Variants in LRRIQ3 observed in about 807,000 individuals in gnomAD.
The protein encoded by LRRIQ3 is leucine-rich repeat and IQ domain-containing protein 3.
A neutral mutation model predicts 59.3 loss-of-function variants in LRRIQ3; 75 were observed. The ratio of observed to expected loss-of-function variants is 1.26; its 90% CI spans 1.05 to 1.53. The LOEUF (loss-of-function observed/expected upper bound fraction) is 1.53, where lower values mean the gene tolerates loss of function less well. LRRIQ3 is among the 40% of genes most tolerant of loss of function. The pLI, the probability that LRRIQ3 is intolerant of heterozygous loss-of-function variation, is 0.00. For synonymous variants in LRRIQ3, 250 were observed against 231.3 expected (o/e 1.08, Z -0.73); for missense variants, 831 against 710.0 (o/e 1.17, Z -1.94).
intron 6 of LRRIQ3, among the ~76,000 whole-genome samples, chr1:74,056,994 T>C (rs1236785004): frequency 1.3e-5 from 2 of 152,166 alleles, no homozygotes; most frequent in African/African-American, 2.4e-5. Flanking sequence ...ATGTAAGATG[T>C]ACCTTGCTTC....
chr1:74,104,370 C>A (rs1646578639), intron 5 of LRRIQ3, among the ~76,000 whole-genome samples: 1 of 151,990 alleles, frequency 6.6e-6, no homozygotes, highest in African/African-American at 2.4e-5. Flanking sequence ...CATGCCCACA[C>A]AAAAACTTGC....
At chr1:74,120,874 C>T (rs1040513322) in intron 4 of LRRIQ3, among the ~76,000 whole-genome samples, 5 of 151,986 alleles carry the variant, frequency 3.3e-5, no homozygotes, top group South Asian at 2.1e-4. Flanking sequence ...TATTATCCCT[C>T]GATTCGTGGA....
chr1:74,136,709 T>C (rs1028269824), intron 4 of LRRIQ3, among the ~76,000 whole-genome samples: 3 of 151,946 alleles, frequency 2.0e-5, no homozygotes, highest in Admixed American at 2.0e-4. Context: ...CAGAGGCAAA[T>C]TGGGAAGACT....
intron 4 of LRRIQ3, among the ~76,000 whole-genome samples, chr1:74,146,944 T>C (rs1242219908): frequency 6.6e-6 from 1 of 152,214 alleles, no homozygotes. Context: ...TTCCCTATGA[T>C]TGGTCAGCCA....
chr1:74,071,873 T>G (rs913654361), intron 6 of LRRIQ3, among the ~76,000 whole-genome samples: 15 of 152,058 alleles, frequency 9.9e-5, no homozygotes, highest in Middle Eastern at 3.2e-3. Context: ...ATTAGTGTAT[T>G]TATCTAATAA....
intron 7 of LRRIQ3, among the ~76,000 whole-genome samples, chr1:74,029,068 T>G (rs1653610789): frequency 6.6e-6 from 1 of 152,244 alleles, no homozygotes; most frequent in African/African-American, 2.4e-5. Flanking sequence ...TGATTTTGTA[T>G]CCTGAGACTT....
intron 1 of LRRIQ3, among the ~76,000 whole-genome samples, chr1:74,187,363 C>T (rs565180328): frequency 2.6e-5 from 4 of 151,716 alleles, no homozygotes; most frequent in East Asian, 1.9e-4. Context: ...TACACACACA[C>T]ACACACACAC....
intron 4 of LRRIQ3, among the ~76,000 whole-genome samples, chr1:74,119,104 A>T (rs764553777): frequency 6.6e-6 from 1 of 151,724 alleles, no homozygotes; most frequent in Non-Finnish European, 1.5e-5. Flanking sequence ...TACAAATAGT[A>T]TAACACTTTA....
intron 5 of LRRIQ3, among the ~76,000 whole-genome samples, chr1:74,096,563 C>A (rs561967026): frequency 6.6e-6 from 1 of 152,124 alleles, no homozygotes; most frequent in African/African-American, 2.4e-5. Flanking sequence ...AAGTCATTCT[C>A]GGTCCAGCTT....
At chr1:74,034,224 CAG>C (rs1317095787) in intron 7 of LRRIQ3, among the ~76,000 whole-genome samples, 1 of 151,968 alleles carries the variant, frequency 6.6e-6, no homozygotes, top group Non-Finnish European at 1.5e-5. Flanking sequence ...TGAAAAATTT[CAG>C]AAGTCTCCAG....
chr1:74,163,659 T>C (rs1396109639), intron 3 of LRRIQ3, among the ~76,000 whole-genome samples: 3 of 151,574 alleles, frequency 2.0e-5, no homozygotes, highest in Admixed American at 6.6e-5. Context: ...CATTCACTCA[T>C]TGAAGGACAT....
intron 3 of LRRIQ3, among the ~76,000 whole-genome samples, chr1:74,157,639 C>G (rs570195226): frequency 1.3e-5 from 2 of 152,030 alleles, no homozygotes; most frequent in South Asian, 4.1e-4. Context: ...ATTGGACATT[C>G]CCTCCTTGAA....
At chr1:74,185,732 A>C (rs1650324440) in intron 1 of LRRIQ3, among the ~76,000 whole-genome samples, 2 of 151,954 alleles carry the variant, frequency 1.3e-5, no homozygotes, top group Admixed American at 1.3e-4. Context: ...TTACCAGGTC[A>C]GGAGATCAAG....
intron 4 of LRRIQ3, among the ~76,000 whole-genome samples, chr1:74,155,227 T>C (rs1370882669): frequency 1.3e-5 from 2 of 152,244 alleles, no homozygotes; most frequent in Non-Finnish European, 1.5e-5. Context: ...ATACTATAAA[T>C]TGATGACAGA....
intron 1 of LRRIQ3, among the ~76,000 whole-genome samples, chr1:74,197,592 A>C (rs1250448606): frequency 6.6e-6 from 1 of 152,200 alleles, no homozygotes; most frequent in Non-Finnish European, 1.5e-5. Context: ...CAAAATACCA[A>C]AAATATTTGG....
At chr1:74,046,553 CTA>C (rs939217659) in intron 6 of LRRIQ3, among the ~76,000 whole-genome samples, 1 of 152,128 alleles carries the variant, frequency 6.6e-6, no homozygotes, top group Non-Finnish European at 1.5e-5. Context: ...GGCTTCATGA[CTA>C]AAACACCAAA....
chr1:74,163,513 T>C (rs1291880868), intron 3 of LRRIQ3, among the ~76,000 whole-genome samples: 1 of 151,622 alleles, frequency 6.6e-6, no homozygotes, highest in East Asian at 1.9e-4. Context: ...ATATAATTTT[T>C]CTATTGTTGA....
intron 4 of LRRIQ3, among the ~76,000 whole-genome samples, chr1:74,137,477 AC>A (rs1309196435): frequency 2.6e-5 from 4 of 152,058 alleles, no homozygotes; most frequent in African/African-American, 9.7e-5. Context: ...AAATAGGAAC[AC>A]TTTTACACCA....
At chr1:74,137,904 GA>G in intron 4 of LRRIQ3, among the ~76,000 whole-genome samples, 1 of 145,880 alleles carries the variant, frequency 6.9e-6, no homozygotes, top group Non-Finnish European at 1.5e-5. Flanking sequence ...GAGAACACAG[GA>G]CACAGGGAGG....
Sources: allele counts gnomAD v4.1 joint callset (sites outside exome capture counted in the v4.1 genomes callset), GRCh38; gene constraint gnomAD v4.1.1; transcripts MANE v1.5; gene names NCBI Gene and HGNC (gene_info 2026-07-23, HGNC 2026-07-21).